MTMR10: variants seen among roughly 807,000 people sequenced by gnomAD.
The protein encoded by MTMR10 is myotubularin-related protein 10.
In MTMR10, 56 loss-of-function variants were observed where a neutral mutation model predicts 88.1. The observed-to-expected ratio is 0.64, with a 90% confidence interval of 0.51 to 0.79. The LOEUF (loss-of-function observed/expected upper bound fraction) is 0.79. MTMR10 is among the 30% of genes least tolerant of loss of function. MTMR10 has a pLI of 0.00. For missense variants in MTMR10, 883 were observed against 924.7 expected, an observed-to-expected ratio of 0.95 and a Z score of 0.58; for synonymous variants, 380 against 340.9, an observed-to-expected ratio of 1.11 and a Z score of -1.26.
Position 30,939,494 on chromosome 15 carries a change from CT to C in MTMR10, c.*1975del. ...TGTTTTTCATATTATGCACAATAAA[CT>C]GTAGCACAATAATCATGATATAACA... On this transcript the variant is annotated 3_prime_UTR_variant, in exon 16 of 16. Transcript: ENST00000435680. 4.1e-6 allele frequency: 4 copies of C among 984,382 alleles called. No homozygotes were observed. The highest frequency in any genetic ancestry group is 4.8e-6 in the Non-Finnish European group (4 of 828,980). The allele number at this position is 984,382 out of a possible 1,614,324, so 61.0% of individuals were successfully genotyped here. A position where few individuals can be genotyped will look rare whatever the true frequency, so the allele number is the denominator to read the frequency against.
intron 10 of MTMR10, 137 bp downstream of exon 10, chr15:30,954,626 A>G: frequency 1.1e-6 from 1 of 929,976 alleles, no homozygotes; most frequent in Non-Finnish European, 1.5e-6. Flanking sequence ...ATACAATAAT[A>G]TATAATTTGT....
In MTMR10 at chr15:30,952,077, T is replaced by C. The variant is rs537979373; in HGVS notation, c.1137-39A>G. 40 of 1,523,474 alleles carry C rather than the reference T, an allele frequency of 2.6e-5. No individual in the cohort carries two copies. The South Asian group carries it at 4.3e-4, about 16-fold the overall frequency. The allele number at this position is 1,523,474 out of a possible 1,614,324, so 94.4% of individuals were successfully genotyped here. ...AGGAAAAGCAGTGTTAAAAATCAAA[T>C]TTCCACTACAAATACATAAAGTACT... On this transcript the variant is annotated intron_variant, in intron 11 of 15. Transcript: ENST00000435680.
downstream of MTMR10, chr15:30,937,059 C>T (rs1261463644): frequency 2.1e-6 from 3 of 1,440,578 alleles, no homozygotes; most frequent in Non-Finnish European, 2.9e-6. Context: ...CTACAACTTA[C>T]TTGAATGGCT....
chr15:30,924,148 C>T, the MTMR10 span, among the ~76,000 whole-genome samples: 1 of 152,238 alleles, frequency 6.6e-6, no homozygotes, highest in Non-Finnish European at 1.5e-5. Context: ...TGTTTCTGAG[C>T]TTCACCCGCA....
At chr15:30,948,563 G>T in intron 12 of MTMR10, 92 bp from the exon 13 acceptor site, 1 of 1,277,048 alleles carries the variant, frequency 7.8e-7, no homozygotes, top group South Asian at 1.4e-5. Context: ...TTAGTATTCT[G>T]CACACCTAGG....
chr15:30,938,422 G>A (rs1277438731), downstream of MTMR10, among the ~76,000 whole-genome samples: 1 of 152,120 alleles, frequency 6.6e-6, no homozygotes, highest in Admixed American at 6.5e-5. Context: ...TCTACTGATT[G>A]GGCCCGGATC....
At position 30,974,073 on chromosome 15, in the gene MTMR10, G is replaced by A. The variant is rs147895698; in HGVS notation, c.474+241C>T. 6.6e-5 allele frequency among the ~76,000 whole-genome samples: 10 copies of A among 152,190 alleles called. No individual in the cohort carries two copies. The South Asian group carries it at 8.3e-4, about 13-fold the overall frequency. ...TATGTAAAAAAATGCTAATTTCCAC[G>A]TAAGAGTCTTTAATATTTGAGAAGC... On this transcript the variant is annotated intron_variant, in intron 5 of 15. Transcript: ENST00000435680.
At position 30,991,435 on chromosome 15, in the gene MTMR10, G is replaced by C; in HGVS notation, c.60+12C>G. ...GAGGAGAGTCGGGCGCTCGCGGGGA[G>C]GGGTTGTTTACCTGGGGCGGTGGCA... On this transcript the variant is annotated intron_variant, in intron 1 of 15. Transcript: ENST00000435680. The C allele has an allele frequency of 6.7e-7, 1 of 1,486,680 alleles. No homozygotes were observed. The highest frequency in any genetic ancestry group is 8.9e-7 in the Non-Finnish European group (1 of 1,121,546). 92.1% of individuals were successfully genotyped at this position (1,486,680 alleles called of 1,614,324 possible).
intron 14 of MTMR10, chr15:30,943,525 C>A: frequency 1.0e-6 from 1 of 985,378 alleles, no homozygotes; most frequent in Non-Finnish European, 1.2e-6. Flanking sequence ...TAACTTACTT[C>A]GTAAGTGGGG....
downstream of MTMR10, among the ~76,000 whole-genome samples, chr15:30,934,246 C>T (rs188917965): frequency 2.0e-3 from 307 of 152,110 alleles, no homozygotes; most frequent in South Asian, 3.7e-3. Context: ...CCACTTCAGC[C>T]TTCTTTTTTT....
the MTMR10 span, among the ~76,000 whole-genome samples, chr15:30,932,094 C>T: frequency 2.0e-5 from 3 of 151,624 alleles, no homozygotes; most frequent in African/African-American, 2.4e-5. Flanking sequence ...TGGTGGCGGG[C>T]GCCTGTAGTC....
chr15:30,937,171 G>C (rs754320707), downstream of MTMR10: 2 of 1,614,052 alleles, frequency 1.2e-6, no homozygotes, highest in Non-Finnish European at 1.7e-6. Flanking sequence ...CAGATGATCT[G>C]GCTGGCTGAA....
chr15:30,919,714 A>G, the MTMR10 span, among the ~76,000 whole-genome samples: 1 of 151,220 alleles, frequency 6.6e-6, no homozygotes, highest in Non-Finnish European at 1.5e-5. Context: ...AAAAAAGAAA[A>G]TCATAAGGAA....
chr15:30,964,024 C>CA (rs142192184), intron 6 of MTMR10, among the ~76,000 whole-genome samples: 3,041 of 150,646 alleles, frequency 0.02, 105 homozygotes, highest in African/African-American at 0.07. Flanking sequence ...AAAAAAAACC[C>CA]AACAACGTTA....
In MTMR10 at chr15:30,974,454, T is replaced by C; in HGVS notation, c.334A>G (p.Asn112Asp). The change falls in exon 5 of 16, where the codon AAC (asparagine) becomes GAC (aspartate). Residue 112 changes from asparagine (N) to aspartate (D), a missense_variant and splice_region_variant. By Grantham distance (23) the Asn-to-Asp change is conservative. Transcript: ENST00000435680. ...LTCIEQIVTV[N>D]DHKRKQKVLG... Reference sequence around the variant, plus strand: ...ACTTTCTGCTTCCTCTTGTGGTCGTTTACTAAAAAAGAAAAAAAAATAGAG... The same window carrying C: ...ACTTTCTGCTTCCTCTTGTGGTCGTCTACTAAAAAAGAAAAAAAAATAGAG... The C allele has an allele frequency of 6.6e-7, 1 of 1,520,346 alleles. No homozygotes were observed. The highest frequency in any genetic ancestry group is 1.3e-5 in the South Asian group (1 of 74,724). The allele number at this position is 1,520,346 out of a possible 1,614,324, so 94.2% of individuals were successfully genotyped here.
In MTMR10 at chr15:30,940,936, A is replaced by G; in HGVS notation, c.*534T>C. The G allele has an allele frequency of 9.2e-7, 1 of 1,084,392 alleles. No individual in the cohort carries two copies. The highest frequency in any genetic ancestry group is 2.5e-5 in the South Asian group (1 of 39,972). The allele number at this position is 1,084,392 out of a possible 1,614,324, so 67.2% of individuals were successfully genotyped here. A position where few individuals can be genotyped will look rare whatever the true frequency, so the allele number is the denominator to read the frequency against. On this transcript the variant is annotated 3_prime_UTR_variant, in exon 16 of 16. Transcript: ENST00000435680. ...TCATGATTTCAAAACACAGTGATCT[A>G]AGGTTCCAAAGAAGGTGATCTAAAA... is the stretch of plus-strand genomic sequence containing the variant.
the MTMR10 span, among the ~76,000 whole-genome samples, chr15:30,926,120 G>T: frequency 2.0e-4 from 31 of 152,212 alleles, no homozygotes; most frequent in Admixed American, 7.2e-4. Flanking sequence ...TAGGTCAGGG[G>T]TAGTTGTCCC....
Position 30,980,566 on chromosome 15 carries a change from C to T in MTMR10, c.122-3611G>A, listed in dbSNP as rs567071744. ...CCTCTGAAAGTGCTAAAAGCAGTGA[C>T]GCTCCAGCAACAACATACACACTCA... On this transcript the variant is annotated intron_variant, in intron 2 of 15. Transcript: ENST00000435680. 1.1e-4 allele frequency among the ~76,000 whole-genome samples: 16 copies of T among 152,290 alleles called. No homozygotes were observed. In the South Asian group the frequency reaches 1.7e-3, roughly 16 times the overall value.
chr15:30,984,867 A>C (rs1341562331), intron 2 of MTMR10, among the ~76,000 whole-genome samples: 1 of 152,112 alleles, frequency 6.6e-6, no homozygotes, highest in Non-Finnish European at 1.5e-5. Context: ...GTTTCCAGAG[A>C]TCTTTCTTGA....
Sources: allele counts gnomAD v4.1 joint callset (sites outside exome capture counted in the v4.1 genomes callset), GRCh38; gene constraint gnomAD v4.1.1; transcripts MANE v1.5; gene names NCBI Gene and HGNC (gene_info 2026-07-23, HGNC 2026-07-21).